The following MYO9B variants were observed in gnomAD, a reference collection of about 807,000 sequenced individuals.
MYO9B encodes myosin IXB.
MYO9B carries 71 observed loss-of-function variants against 229.5 expected under a neutral mutation model. The observed-to-expected ratio is 0.31, with a 90% CI of 0.26 to 0.38. MYO9B has a LOEUF of 0.38. MYO9B is among the 10% of genes least tolerant of loss of function. The pLI is 1.00. For synonymous variants in MYO9B, 1,185 were observed against 1,235.8 expected, an observed-to-expected ratio of 0.96 and a Z score of 0.86; for missense variants, 2,255 against 2,920.5, an observed-to-expected ratio of 0.77 and a Z score of 5.25.
chr19:17,093,477 C>T (rs1600029323), intron 1 of MYO9B, among the ~76,000 whole-genome samples: 1 of 152,280 alleles, frequency 6.6e-6, no homozygotes, highest in African/African-American at 2.4e-5. Flanking sequence ...TCGTGGCGTC[C>T]TGGGACGACC....
intron 2 of MYO9B, among the ~76,000 whole-genome samples, chr19:17,112,474 G>T (rs542162522): frequency 6.6e-6 from 1 of 152,340 alleles, no homozygotes; most frequent in East Asian, 1.9e-4. Context: ...CCTGGACTCG[G>T]GCAGGAGCGT....
intron 2 of MYO9B, among the ~76,000 whole-genome samples, chr19:17,144,987 A>AAAAAAG (rs2072390538): frequency 7.3e-6 from 1 of 137,006 alleles, no homozygotes; most frequent in African/African-American, 2.9e-5. Context: ...AAAAAAAAAA[A>AAAAAAG]AAAAGAAAAA....
At chr19:17,154,103 CTGT>C in intron 5 of MYO9B, 37 bp downstream of exon 5, 1 of 1,569,498 alleles carries the variant, frequency 6.4e-7, no homozygotes. Flanking sequence ...AACGCCACCT[CTGT>C]TCCCGGCCTC....
chr19:17,124,759 CAAAAAAAAAAA>C (rs35063637), intron 2 of MYO9B, among the ~76,000 whole-genome samples: 1 of 79,170 alleles, frequency 1.3e-5, no homozygotes, highest in Non-Finnish European at 2.7e-5. Flanking sequence ...GACTCTGTCT[CAAAAAAAAAAA>C]AAAAAAAAGG....
chr19:17,114,274 C>T (rs564140630), intron 2 of MYO9B, among the ~76,000 whole-genome samples: 6 of 152,118 alleles, frequency 3.9e-5, no homozygotes, highest in East Asian at 1.9e-4. Context: ...CACATCAACC[C>T]GACCAAATTC....
In MYO9B at chr19:17,206,357, C is replaced by T. The variant is rs373037683; in HGVS notation, c.5367C>T (p.Gly1789=). 92 of 1,610,332 alleles carry T rather than the reference C, an allele frequency of 5.7e-5. No individual in the cohort carries two copies. Among genetic ancestry groups the T allele is most frequent in the African/African-American group, 8.0e-5 (6 of 74,906 alleles). The change falls in exon 33 of 40, where the codon GGC becomes GGT. Residue 1789 remains glycine, a synonymous_variant. Coordinates refer to ENST00000682292, the MANE Select transcript of MYO9B (RefSeq NM_004145.4). ...PEPLMTFAQY[G]DFLRAVELPE... ...CCCTCATGACCTTCGCACAGTACGG[C>T]GACTTCCTCCGAGCCGTCGGTGAGC...
intron 24 of MYO9B, among the ~76,000 whole-genome samples, chr19:17,199,513 G>GTTT (rs372647990): frequency 0.011 from 1,574 of 146,636 alleles, 27 homozygotes; most frequent in African/African-American, 0.037. Flanking sequence ...TTTTTTGTTT[G>GTTT]TTTTTTTTTT....
chr19:17,201,869 C>T (rs1326078598), intron 26 of MYO9B, 57 bp from the exon 27 acceptor site: 12 of 1,334,664 alleles, frequency 9.0e-6, no homozygotes, highest in East Asian at 4.7e-5. Flanking sequence ...GGCACCTCCT[C>T]GGGTACGCAG....
chr19:17,207,826 C>T (rs2073179439), intron 35 of MYO9B: 1 of 152,056 alleles, frequency 6.6e-6, no homozygotes, highest in Non-Finnish European at 1.5e-5. Context: ...GCCTGACCAA[C>T]ATGGAGAAAT....
In MYO9B at chr19:17,191,164, C is replaced by A. The variant is rs2072980782; in HGVS notation, c.2756C>A (p.Thr919Asn). ...CAGCCCTGCAGGGAGGTCATCTCCACCCTCCTGGAGAAAATGAAGATAGAC... is the reference window on the plus strand; with the variant it reads ...CAGCCCTGCAGGGAGGTCATCTCCAACCTCCTGGAGAAAATGAAGATAGAC... ...DAQPCREVIS[T>N]LLEKMKIDKR... The change falls in exon 20 of 40, where the codon ACC becomes AAC. Residue 919 changes from threonine (T) to asparagine (N), a missense_variant. Transcript: ENST00000682292. 1.6e-5 allele frequency: 25 copies of A among 1,612,248 alleles called. No individual in the cohort carries two copies. The highest frequency in any genetic ancestry group is 2.1e-5 in the Non-Finnish European group (25 of 1,179,024).
intron 6 of MYO9B, among the ~76,000 whole-genome samples, chr19:17,154,659 C>T (rs961159375): frequency 6.6e-6 from 1 of 152,082 alleles, no homozygotes; most frequent in Admixed American, 6.6e-5. Flanking sequence ...TGAATTGTAC[C>T]CTTAAAAATG....
In MYO9B at chr19:17,195,223, G is replaced by T; in HGVS notation, c.3796G>T (p.Gly1266Cys). 6.2e-7 allele frequency: 1 copy of T among 1,611,064 alleles called. No homozygotes were observed. Among genetic ancestry groups the T allele is most frequent in the Non-Finnish European group, 8.5e-7 (1 of 1,179,204 alleles). ...CAGCAGGGTCAGCCCACCGGCCCCT[G>T]GCAGCGCCCCCGAGACCCCCGAGGA... ...LDSRVSPPAP[G>C]SAPETPEDKS... The change falls in exon 22 of 40, where the codon GGC becomes TGC. Residue 1266 changes from glycine (G) to cysteine (C), a missense_variant. Coordinates refer to ENST00000682292, the MANE Select transcript of MYO9B (RefSeq NM_004145.4). The surrounding 1 kb of genome is among the most constrained non-coding windows in gnomAD (Gnocchi z 4.5).
intron 22 of MYO9B, among the ~76,000 whole-genome samples, chr19:17,197,419 G>GATAC (rs1432672581): frequency 8.9e-4 from 103 of 115,350 alleles, no homozygotes; most frequent in African/African-American, 3.5e-3. Flanking sequence ...TAGATAGATA[G>GATAC]ATAGATAGAT....
intron 14 of MYO9B, 83 bp downstream of exon 14, chr19:17,175,824 CTTTTTTTTT>C (rs534528766): frequency 4.0e-6 from 2 of 496,924 alleles, no homozygotes; most frequent in South Asian, 2.8e-5. Flanking sequence ...ATGCTACATT[CTTTTTTTTT>C]TTTTTTTTTT....
intron 14 of MYO9B, among the ~76,000 whole-genome samples, chr19:17,178,768 C>T (rs888893285): frequency 2.6e-5 from 4 of 152,074 alleles, no homozygotes; most frequent in African/African-American, 9.7e-5. Flanking sequence ...CGCAGTGGCT[C>T]ACCCCTGTAA....
At chr19:17,150,474 C>T (rs1411854669) in intron 3 of MYO9B, among the ~76,000 whole-genome samples, 4 of 151,990 alleles carry the variant, frequency 2.6e-5, no homozygotes, top group Non-Finnish European at 4.4e-5. Context: ...TTGGGAACCT[C>T]GTGCTGTCCC....
At position 17,194,647 on chromosome 19, in the gene MYO9B, C is replaced by G; in HGVS notation, c.3220C>G (p.Gln1074Glu). ...AAGAGCAGGTGCTGAGGAGGGCGGA[C>G]AGGGTCAGGCGGCTGGAGGGCAGCA... ...AARAGAEEGG[Q>E]GQAAGGQQVA... Residue 1074 changes from glutamine to glutamate, a missense_variant, in exon 22 of 40, where the codon CAG becomes GAG. This residue lies in a region of MYO9B where 679 missense variants were observed against 770.2 expected (regional missense o/e 0.88). Coordinates refer to ENST00000682292, the MANE Select transcript of MYO9B (RefSeq NM_004145.4). 1 of 1,612,696 alleles carries G rather than the reference C, an allele frequency of 6.2e-7. No individual in the cohort carries two copies.
At chr19:17,197,406 T>TGATAGATAGATAGATA (rs11455979) in intron 22 of MYO9B, among the ~76,000 whole-genome samples, 96 of 128,834 alleles carry the variant, frequency 7.5e-4, no homozygotes, top group Non-Finnish European at 8.0e-4. Flanking sequence ...GATAGATAGA[T>TGATAGATAGATAGATA]GATAGATAGA....
At chr19:17,169,996 C>G in intron 11 of MYO9B, among the ~76,000 whole-genome samples, 1 of 151,702 alleles carries the variant, frequency 6.6e-6, no homozygotes, top group Non-Finnish European at 1.5e-5. Context: ...TGCCTTGCCA[C>G]CATGCCCAGC....
Sources: allele counts gnomAD v4.1 joint callset (sites outside exome capture counted in the v4.1 genomes callset), GRCh38; gene constraint gnomAD v4.1.1; regional missense constraint gnomAD v4.1.1; non-coding constraint Gnocchi (gnomAD v3.1); transcripts MANE v1.5; gene names NCBI Gene and HGNC (gene_info 2026-07-23, HGNC 2026-07-21).